PRRX1: variants seen among roughly 807,000 people sequenced by gnomAD.
PRRX1 encodes paired mesoderm homeobox protein 1.
In PRRX1, 8 loss-of-function variants were observed where a neutral mutation model predicts 24.0. The observed-to-expected ratio is 0.33, with a 90% CI of 0.20 to 0.60. The LOEUF is 0.60. Among genes scored for constraint, PRRX1 ranks in the 20% least tolerant of loss-of-function variants. The pLI, the probability that PRRX1 is intolerant of heterozygous loss-of-function variation, is 0.82. For missense variants in PRRX1, 281 were observed against 322.4 expected, an observed-to-expected ratio of 0.87 and a Z score of 0.98; for synonymous variants, 160 against 131.7, an observed-to-expected ratio of 1.22 and a Z score of -1.47.
At chr1:170,685,287 G>A (rs1164015655) in intron 1 of PRRX1, among the ~76,000 whole-genome samples, 2 of 152,068 alleles carry the variant, frequency 1.3e-5, no homozygotes, top group African/African-American at 2.4e-5. Context: ...ACCTCCTGAC[G>A]CAGGAGGACA....
intron 2 of PRRX1, among the ~76,000 whole-genome samples, chr1:170,720,466 C>T (rs540849737): frequency 6.6e-6 from 1 of 152,238 alleles, no homozygotes; most frequent in African/African-American, 2.4e-5. Flanking sequence ...ATAATCCTTG[C>T]TACAGGTTCC....
At chr1:170,668,988 G>T (rs896854230) in intron 1 of PRRX1, 1 of 152,154 alleles carries the variant, frequency 6.6e-6, no homozygotes, top group Non-Finnish European at 1.5e-5. Flanking sequence ...GGTGATTTCG[G>T]TTTATTTTAC....
intron 1 of PRRX1, among the ~76,000 whole-genome samples, chr1:170,672,010 A>C (rs573245874): frequency 6.6e-6 from 1 of 152,258 alleles, no homozygotes; most frequent in Admixed American, 6.5e-5. Flanking sequence ...GACAGAAGAG[A>C]AAACCTGGCA....
intron 1 of PRRX1, among the ~76,000 whole-genome samples, chr1:170,705,608 T>TA (rs751765496): frequency 6.6e-6 from 1 of 152,224 alleles, no homozygotes; most frequent in Middle Eastern, 3.4e-3. Context: ...AAAATATATA[T>TA]TTTTTGTTTA....
chr1:170,722,094 G>T (rs1461579482), intron 2 of PRRX1, among the ~76,000 whole-genome samples: 1 of 151,910 alleles, frequency 6.6e-6, no homozygotes, highest in Non-Finnish European at 1.5e-5. Flanking sequence ...TTCCCACCTT[G>T]CTATGATTTA....
Position 170,736,515 on chromosome 1 carries a change from T to C in PRRX1, c.*329T>C. 2.8e-6 allele frequency: 1 copy of C among 354,034 alleles called. No homozygotes were observed. Among genetic ancestry groups the C allele is most frequent in the Non-Finnish European group, 5.3e-6 (1 of 187,334 alleles). 21.9% of individuals were successfully genotyped at this position (354,034 alleles called of 1,614,324 possible). ...ACCCACCCCCATGATTGTATGAAGT[T>C]TTAAAAAAAACTACAGCAGCCAAAG... On this transcript the variant is annotated 3_prime_UTR_variant, in exon 4 of 4. Coordinates refer to ENST00000239461, the MANE Select transcript of PRRX1 (RefSeq NM_022716.4).
chr1:170,696,182 A>C (rs1571328992), intron 1 of PRRX1, among the ~76,000 whole-genome samples: 1 of 152,312 alleles, frequency 6.6e-6, no homozygotes, highest in Middle Eastern at 3.4e-3. Context: ...GCCATATGGC[A>C]GTAGGACAAG....
At chr1:170,726,081 G>A (rs936006055) in intron 2 of PRRX1, 139 bp from the exon 3 acceptor site, 2 of 844,614 alleles carry the variant, frequency 2.4e-6, no homozygotes, top group East Asian at 5.3e-5. Context: ...TTGTTCTACG[G>A]AGAATTCCAT....
intron 1 of PRRX1, among the ~76,000 whole-genome samples, chr1:170,665,933 C>G (rs1384361544): frequency 6.6e-6 from 1 of 152,232 alleles, no homozygotes; most frequent in Non-Finnish European, 1.5e-5. Flanking sequence ...GAATGAAGAA[C>G]CAGGTGTCCT....
intron 1 of PRRX1, among the ~76,000 whole-genome samples, chr1:170,680,299 T>G (rs1053458789): frequency 1.3e-5 from 2 of 152,312 alleles, no homozygotes; most frequent in South Asian, 2.1e-4. Context: ...AAAAGCAGGA[T>G]AAGTATGATT....
At chr1:170,726,538 C>A in intron 3 of PRRX1, 137 bp downstream of exon 3, 1 of 1,083,886 alleles carries the variant, frequency 9.2e-7, no homozygotes, top group Non-Finnish European at 1.3e-6. Flanking sequence ...TTGCTGACAT[C>A]CCCACATTTT....
chr1:170,726,783 A>G (rs1471847259), intron 3 of PRRX1: 1 of 171,400 alleles, frequency 5.8e-6, no homozygotes. Flanking sequence ...ATGCAAATGT[A>G]GGGACGTAAC....
At chr1:170,700,626 T>G (rs1654322834) in intron 1 of PRRX1, among the ~76,000 whole-genome samples, 1 of 152,126 alleles carries the variant, frequency 6.6e-6, no homozygotes, top group South Asian at 2.1e-4. Flanking sequence ...CAGGCTGTAT[T>G]ATTAGTACTG....
chr1:170,694,163 G>GT (rs1025910548), intron 1 of PRRX1, among the ~76,000 whole-genome samples: 4 of 151,742 alleles, frequency 2.6e-5, no homozygotes, highest in African/African-American at 7.3e-5. Context: ...TCTCACTTGT[G>GT]TTTTTTTTAT....
chr1:170,671,658 T>A (rs1395195088), intron 1 of PRRX1, among the ~76,000 whole-genome samples: 1 of 152,214 alleles, frequency 6.6e-6, no homozygotes, highest in East Asian at 1.9e-4. Context: ...TATAGGAATA[T>A]AAGGTGCACA....
chr1:170,665,349 T>TA (rs1174641038), intron 1 of PRRX1, among the ~76,000 whole-genome samples: 1 of 152,198 alleles, frequency 6.6e-6, no homozygotes, highest in Non-Finnish European at 1.5e-5. Flanking sequence ...CTCGCTTCGC[T>TA]AGTGCCTTAA....
Position 170,723,190 on chromosome 1 carries a change from T to C in PRRX1, c.418-3030T>C, listed in dbSNP as rs1480282503. ...ATTAGAAACAGAAGAGCCAGGAGTG[T>C]GGGAAGCCAAGTCCAGATTCCACCT... On this transcript the variant is annotated intron_variant, in intron 2 of 3. Coordinates refer to ENST00000239461, the MANE Select transcript of PRRX1 (RefSeq NM_022716.4). Among the ~76,000 whole-genome samples, 5 of 152,304 alleles carry C rather than the reference T, an allele frequency of 3.3e-5. No homozygotes were observed. The East Asian group carries it at 5.8e-4, about 18-fold the overall frequency.
intron 1 of PRRX1, among the ~76,000 whole-genome samples, chr1:170,705,915 T>TAGAC (rs1273371414): frequency 3.5e-4 from 41 of 115,972 alleles, no homozygotes; most frequent in Non-Finnish European, 1.8e-5. Context: ...TATACCCACA[T>TAGAC]AGACACACAC....
intron 1 of PRRX1, among the ~76,000 whole-genome samples, chr1:170,706,053 GTT>G (rs942685404): frequency 1.3e-5 from 2 of 151,802 alleles, no homozygotes; most frequent in African/African-American, 4.8e-5. Flanking sequence ...TTTTTCAACA[GTT>G]TTCTTTGGTC....
Sources: gnomAD v4.1 joint callset for allele counts (sites outside exome capture counted in the v4.1 genomes callset) on GRCh38, gnomAD v4.1.1 for gene constraint, MANE v1.5 for transcripts, NCBI Gene and HGNC (gene_info 2026-07-23, HGNC 2026-07-21) for gene names.